Variants in RNF128 observed in about 807,000 individuals in gnomAD.
RNF128 encodes E3 ubiquitin-protein ligase RNF128.
In RNF128, 13 loss-of-function variants were observed where a neutral mutation model predicts 26.2. The ratio of observed to expected loss-of-function variants is 0.50; its 90% confidence interval spans 0.32 to 0.79. The LOEUF (loss-of-function observed/expected upper bound fraction) is 0.79, where lower values mean the gene tolerates loss of function less well. Among genes scored for constraint, RNF128 ranks in the 30% least tolerant of loss-of-function variants. The pLI is 0.03. For missense variants in RNF128, 315 were observed against 349.7 expected (o/e 0.90, Z 0.79); for synonymous variants, 149 against 142.5 (o/e 1.05, Z -0.32).
chrX:106,715,351 T>C (rs756140770), intron 1 of RNF128, among the ~76,000 whole-genome samples: 2 of 112,705 alleles, frequency 1.8e-5, no homozygotes, highest in East Asian at 5.5e-4. Flanking sequence ...ATTTCCTCTT[T>C]GGTGAAATGT....
intron 1 of RNF128, among the ~76,000 whole-genome samples, chrX:106,735,270 G>T (rs1186705778): frequency 9.0e-6 from 1 of 111,641 alleles, no homozygotes; most frequent in Non-Finnish European, 1.9e-5. Flanking sequence ...GACCAAGTTG[G>T]TACAAATCAG....
At position 106,726,970 on chromosome X, in the gene RNF128, A is replaced by T. The variant is rs967219053; in HGVS notation, c.57A>T (p.Arg19Ser). The T allele has an allele frequency of 7.5e-6, 9 of 1,194,611 alleles. No homozygotes were observed. The highest frequency in any genetic ancestry group is 2.3e-5 in the Admixed American group (1 of 43,438). Residue 19 changes from arginine to serine, a missense_variant, in exon 1 of 7, where the codon AGA becomes AGT. Arg to Ser is a moderately radical substitution (Grantham distance 110). Transcript: ENST00000255499. The part of the protein sequence containing the change: ...VSCRGGCGFS[R>S]LLAWCFLLAL... ...GCCGCGGTGGCTGCGGCTTTTCCAG[A>T]TTGCTGGCATGGTGCTTCCTGCTGG...
At chrX:106,790,357 T>C in intron 5 of RNF128, 75 bp downstream of exon 5, 4 of 705,196 alleles carry the variant, frequency 5.7e-6, no homozygotes, top group Non-Finnish European at 4.5e-6. Context: ...AACATCCTTA[T>C]TTTTTCGCTA....
At position 106,727,258 on chromosome X, in the gene RNF128, T is replaced by A; in HGVS notation, c.345T>A (p.Ser115=). Residue 115 remains serine, a synonymous_variant, in exon 1 of 7, where the codon TCT becomes TCA. Transcript: ENST00000255499. The stretch of plus-strand genomic sequence containing the variant: ...TTTGGGGAAGCACCGTGCAAGTCTC[T>A]TGGTTGGCCCTCATCCAACGCGGCG... ...PTVWGSTVQV[S]WLALIQRGGG... The A allele has an allele frequency of 8.3e-7, 1 of 1,211,746 alleles. No individual in the cohort carries two copies. Among genetic ancestry groups the A allele is most frequent in the Non-Finnish European group, 1.1e-6 (1 of 895,429 alleles).
At chrX:106,752,371 G>A (rs1929908930) in intron 1 of RNF128, among the ~76,000 whole-genome samples, 1 of 112,387 alleles carries the variant, frequency 8.9e-6, no homozygotes, top group Non-Finnish European at 1.9e-5. Context: ...TTGTTTGAGA[G>A]AAAGTAAGGG....
chrX:106,765,510 T>C (rs914806899), intron 1 of RNF128, among the ~76,000 whole-genome samples: 2 of 111,159 alleles, frequency 1.8e-5, no homozygotes, highest in African/African-American at 6.5e-5. Flanking sequence ...TTTAGTGCCA[T>C]AGCTAAAAAC....
Position 106,712,882 on chromosome X carries a change from C to CTTT in RNF128, c.406+18487_406+18489dup, listed in dbSNP as rs770554444. Among the ~76,000 whole-genome samples the CTTT allele has an allele frequency of 8.6e-4, 82 of 95,135 alleles. 1 individual carries two copies. Among genetic ancestry groups the CTTT allele is most frequent in the African/African-American group, 3.1e-3 (76 of 24,555 alleles). 82.6% of individuals were successfully genotyped at this position (95,135 alleles called of 115,157 possible). Reference sequence around the variant, plus strand: ...TTGAAGTTATGAGTAGATAAAGTTACTTTTTTTTTTTTTTTGAGATGGAGT... The same window carrying CTTT: ...TTGAAGTTATGAGTAGATAAAGTTACTTTTTTTTTTTTTTTTTTGAGATGGAGT... On this transcript the variant is annotated intron_variant, in intron 1 of 6. Coordinates refer to the RNF128 transcript ENST00000324342.
chrX:106,724,732 G>A (rs1236449604), upstream of RNF128, among the ~76,000 whole-genome samples: 1 of 111,818 alleles, frequency 8.9e-6, no homozygotes, highest in Non-Finnish European at 1.9e-5. Flanking sequence ...CTCAGTCTGG[G>A]TTAGGTGCTT....
chrX:106,757,347 A>G (rs1430938875), intron 1 of RNF128, among the ~76,000 whole-genome samples: 3 of 91,808 alleles, frequency 3.3e-5, no homozygotes, highest in Admixed American at 1.3e-4. Flanking sequence ...ATGTCCAACA[A>G]TGATAGACTG....
At chrX:106,704,633 A>G (rs1361538603) in intron 1 of RNF128, among the ~76,000 whole-genome samples, 1 of 110,706 alleles carries the variant, frequency 9.0e-6, no homozygotes, top group African/African-American at 3.3e-5. Context: ...CAGTGAAGAG[A>G]AGATGAGGAA....
intron 1 of RNF128, among the ~76,000 whole-genome samples, chrX:106,764,982 C>T (rs986906366): frequency 1.8e-5 from 2 of 111,576 alleles, no homozygotes; most frequent in African/African-American, 3.3e-5. Context: ...GTAAAATTAT[C>T]TCCAGATCCA....
upstream of RNF128, among the ~76,000 whole-genome samples, chrX:106,723,297 G>A (rs1302995659): frequency 2.7e-5 from 3 of 111,498 alleles, no homozygotes; most frequent in Admixed American, 9.5e-5. Context: ...GGCCTGGCGC[G>A]GTGGCTCACG....
At chrX:106,781,524 T>C (rs1357828831) in intron 2 of RNF128, among the ~76,000 whole-genome samples, 1 of 111,372 alleles carries the variant, frequency 9.0e-6, no homozygotes, top group Non-Finnish European at 1.9e-5. Flanking sequence ...CTTGGAACTC[T>C]TGCTATCAGT....
chrX:106,722,520 T>C (rs1009463692), upstream of RNF128, among the ~76,000 whole-genome samples: 1 of 111,499 alleles, frequency 9.0e-6, no homozygotes, highest in African/African-American at 3.3e-5. Flanking sequence ...CACAGTGAAA[T>C]AGAGGAATAC....
At chrX:106,775,570 T>C (rs764282749) in intron 2 of RNF128, among the ~76,000 whole-genome samples, 1 of 111,720 alleles carries the variant, frequency 9.0e-6, no homozygotes, top group South Asian at 3.8e-4. Context: ...AAAAATTACT[T>C]AATGGACTAT....
In RNF128 at chrX:106,796,453, T is replaced by C. The variant is rs1321422786; in HGVS notation, c.*740T>C. ...TTTCAAAAGCTCAGTATATGAATCA[T>C]CATACTGTTTGAAATTGCTAATGAC... On this transcript the variant is annotated 3_prime_UTR_variant, in exon 7 of 7. Transcript: ENST00000255499. 2 of 111,816 alleles carry C rather than the reference T, an allele frequency of 1.8e-5. No homozygotes were observed. The highest frequency in any genetic ancestry group is 3.8e-5 in the Non-Finnish European group (2 of 53,007). 9.2% of individuals were successfully genotyped at this position (111,816 alleles called of 1,213,427 possible). A position where few individuals can be genotyped will look rare whatever the true frequency, so the allele number is the denominator to read the frequency against.
intron 1 of RNF128, among the ~76,000 whole-genome samples, chrX:106,739,570 T>C (rs1339556659): frequency 8.9e-6 from 1 of 112,215 alleles, no homozygotes; most frequent in Non-Finnish European, 1.9e-5. Flanking sequence ...TATTCTTTTT[T>C]TGTACTAATA....
At chrX:106,775,752 TTAAC>T (rs1930453764) in intron 2 of RNF128, among the ~76,000 whole-genome samples, 1 of 112,186 alleles carries the variant, frequency 8.9e-6, no homozygotes, top group Admixed American at 9.5e-5. Flanking sequence ...CACTAAACAT[TTAAC>T]TATATTATCT....
At chrX:106,779,348 C>CGTGTGTGTGTGTGTGT (rs372716238) in intron 2 of RNF128, among the ~76,000 whole-genome samples, 7 of 90,114 alleles carry the variant, frequency 7.8e-5, no homozygotes, top group African/African-American at 2.5e-4. Context: ...TACACAGTTA[C>CGTGTGTGTGTGTGTGT]GTGTGTGTGT....
Sources: allele counts gnomAD v4.1 joint callset (sites outside exome capture counted in the v4.1 genomes callset), GRCh38; gene constraint gnomAD v4.1.1; transcripts MANE v1.5; gene names NCBI Gene and HGNC (gene_info 2026-07-23, HGNC 2026-07-21).